The following ROBO2 variants were observed in gnomAD, a reference collection of about 807,000 sequenced individuals.
ROBO2 encodes roundabout homolog 2.
In ROBO2, 53 loss-of-function variants were observed where a neutral mutation model predicts 160.8. The ratio of observed to expected loss-of-function variants is 0.33; its 90% CI spans 0.26 to 0.41. The LOEUF is 0.41. Ranked by LOEUF, ROBO2 falls within the 10% of genes least tolerant of loss-of-function variation. The pLI is 1.00. For synonymous variants in ROBO2, 664 were observed against 611.7 expected, an observed-to-expected ratio of 1.09 and a Z score of -1.26; for missense variants, 1,577 against 1,722.4, an observed-to-expected ratio of 0.92 and a Z score of 1.49.
At chr3:76,094,449 G>T (rs2069358448) in intron 2 of ROBO2, among the ~76,000 whole-genome samples, 1 of 152,202 alleles carries the variant, frequency 6.6e-6, no homozygotes, top group South Asian at 2.1e-4. Context: ...ACGAAATACA[G>T]CTGGGCTTAG....
intron 2 of ROBO2, among the ~76,000 whole-genome samples, chr3:77,146,419 A>G (rs1163773860): frequency 1.3e-5 from 2 of 152,124 alleles, no homozygotes; most frequent in Non-Finnish European, 2.9e-5. Context: ...CTCCATGGAA[A>G]TCATTTTTTT....
At chr3:75,992,596 G>T (rs138551949) in intron 2 of ROBO2, among the ~76,000 whole-genome samples, 1 of 152,162 alleles carries the variant, frequency 6.6e-6, no homozygotes, top group African/African-American at 2.4e-5. Context: ...TGTGGAGTTG[G>T]AGCCCCCACA....
intron 4 of ROBO2, among the ~76,000 whole-genome samples, chr3:77,486,452 G>C (rs1287364809): frequency 6.6e-6 from 1 of 152,026 alleles, no homozygotes; most frequent in African/African-American, 2.4e-5. Context: ...TTTAATAATT[G>C]CCATTCTGAC....
At chr3:76,005,441 T>C (rs2065993897) in intron 2 of ROBO2, among the ~76,000 whole-genome samples, 1 of 152,176 alleles carries the variant, frequency 6.6e-6, no homozygotes, top group Non-Finnish European at 1.5e-5. Context: ...AGATGGTGAA[T>C]TGGACTCCAC....
intron 2 of ROBO2, among the ~76,000 whole-genome samples, chr3:76,231,018 G>A (rs145607325): frequency 0.011 from 1,608 of 152,168 alleles, 25 homozygotes; most frequent in African/African-American, 0.036. Context: ...CACGAATCAC[G>A]TGTCCCTCAG....
intron 2 of ROBO2, among the ~76,000 whole-genome samples, chr3:76,230,362 T>A (rs1704548411): frequency 6.6e-6 from 1 of 152,098 alleles, no homozygotes. Flanking sequence ...CCTTCCCAGG[T>A]TACTACTACA....
chr3:77,625,271 C>T (rs1003525473), intron 23 of ROBO2, among the ~76,000 whole-genome samples: 4 of 152,102 alleles, frequency 2.6e-5, no homozygotes, highest in Non-Finnish European at 4.4e-5. Context: ...AAACACCTAT[C>T]GAATGCCTAT....
intron 2 of ROBO2, among the ~76,000 whole-genome samples, chr3:77,289,452 A>T (rs1484585274): frequency 6.6e-6 from 1 of 151,926 alleles, no homozygotes; most frequent in Non-Finnish European, 1.5e-5. Flanking sequence ...AGTAAAATTG[A>T]TGGTTAAATG....
chr3:76,784,243 A>G (rs1253558762), intron 2 of ROBO2, among the ~76,000 whole-genome samples: 1 of 151,162 alleles, frequency 6.6e-6, no homozygotes, highest in East Asian at 2.0e-4. Flanking sequence ...TCTAGTTGTT[A>G]CTGACTGGCT....
At position 77,316,641 on chromosome 3, in the gene ROBO2, A is replaced by G. The variant is rs1024405100; in HGVS notation, c.389-160773A>G. On this transcript the variant is annotated intron_variant, in intron 2 of 25. Transcript: ENST00000461745. ...GAATCATCTTTAACCTTGAGGTCTA[A>G]CATATTTAGCAATACTTGCATCCCA... is the stretch of plus-strand genomic sequence containing the variant. 4.9e-6 allele frequency: 3 copies of G among 618,042 alleles called. No homozygotes were observed. In the South Asian group the frequency reaches 5.3e-5, roughly 11 times the overall value. 38.3% of individuals were successfully genotyped at this position (618,042 alleles called of 1,614,324 possible).
At position 76,139,687 on chromosome 3, in the gene ROBO2, C is replaced by A. The variant is rs150419009; in HGVS notation, c.109+202085C>A. Among the ~76,000 whole-genome samples the A allele has an allele frequency of 4.1e-3, 627 of 152,128 alleles. 11 individuals carry two copies. The highest frequency in any genetic ancestry group is 0.027 in the Admixed American group (413 of 15,248). On this transcript the variant is annotated intron_variant, in intron 2 of 26. Transcript: ENST00000487694. ...TGTGAAGTAAAAAGCAGTTATAAAA[C>A]CTTTAGAATACATCTTGAAATATAT...
At chr3:76,434,655 T>C in intron 2 of ROBO2, 1 of 1,251,630 alleles carries the variant, frequency 8.0e-7, no homozygotes, top group Non-Finnish European at 1.2e-6. Flanking sequence ...GAGTGGACTC[T>C]GCCATCTGGA....
At chr3:76,824,589 A>T (rs1248908684) in intron 2 of ROBO2, among the ~76,000 whole-genome samples, 4 of 152,128 alleles carry the variant, frequency 2.6e-5, no homozygotes, top group African/African-American at 9.7e-5. Context: ...GAATATTTTA[A>T]CTGAGTTTAT....
chr3:75,928,846 T>C (rs1373924503), intron 1 of ROBO2, among the ~76,000 whole-genome samples: 1 of 146,480 alleles, frequency 6.8e-6, no homozygotes, highest in African/African-American at 2.6e-5. Context: ...ACATGAGATC[T>C]GCAGCTGGAT....
chr3:76,121,544 A>C (rs2108291029), intron 2 of ROBO2, among the ~76,000 whole-genome samples: 1 of 152,252 alleles, frequency 6.6e-6, no homozygotes, highest in Non-Finnish European at 1.5e-5. Flanking sequence ...TCTGGATCAA[A>C]CCTACACCAT....
chr3:76,390,434 G>A (rs2077093359), intron 2 of ROBO2, among the ~76,000 whole-genome samples: 2 of 151,942 alleles, frequency 1.3e-5, no homozygotes, highest in Admixed American at 1.3e-4. Flanking sequence ...TAACTTGATG[G>A]AAAATGATAA....
At chr3:77,079,718 A>G (rs1487550804) in intron 1 of ROBO2, among the ~76,000 whole-genome samples, 1 of 152,192 alleles carries the variant, frequency 6.6e-6, no homozygotes, top group East Asian at 1.9e-4. Context: ...AGTGCCGTCC[A>G]GTTTGCTTAT....
intron 5 of ROBO2, among the ~76,000 whole-genome samples, chr3:77,515,164 C>T (rs2089872239): frequency 6.6e-6 from 1 of 151,664 alleles, no homozygotes; most frequent in Admixed American, 6.6e-5. Context: ...AATTACAGGC[C>T]TATCCTTTCT....
chr3:76,901,912 C>G (rs2075267342), intron 2 of ROBO2, among the ~76,000 whole-genome samples: 2 of 151,974 alleles, frequency 1.3e-5, no homozygotes, highest in East Asian at 1.9e-4. Context: ...CTACCTTTCA[C>G]CATACACACC....
Sources: gnomAD v4.1 joint callset for allele counts (sites outside exome capture counted in the v4.1 genomes callset) on GRCh38, gnomAD v4.1.1 for gene constraint, MANE v1.5 for transcripts, NCBI Gene and HGNC (gene_info 2026-07-23, HGNC 2026-07-21) for gene names.